Variants in LRRC37A2 observed in about 807,000 individuals in gnomAD.
LRRC37A2 encodes the protein leucine-rich repeat-containing protein 37A2.
In LRRC37A2, 9 loss-of-function variants were observed where a neutral mutation model predicts 68.8. The observed-to-expected ratio is 0.13, with a 90% CI of 0.08 to 0.23. The LOEUF (loss-of-function observed/expected upper bound fraction) is 0.23, where lower values mean the gene tolerates loss of function less well. Ranked by LOEUF, LRRC37A2 falls within the 10% of genes least tolerant of loss-of-function variation. The pLI is 1.00. For synonymous variants in LRRC37A2, 63 were observed against 367.6 expected (o/e 0.17, Z 9.48); for missense variants, 168 against 950.4 (o/e 0.18, Z 10.82).
the LRRC37A2 span, chr17:46,713,843 C>T: frequency 6.2e-7 from 1 of 1,607,894 alleles, no homozygotes; most frequent in Non-Finnish European, 8.5e-7. Context: ...TTGCTCATAT[C>T]TTTATGCAGG....
chr17:46,771,835 G>A, the LRRC37A2 span, among the ~76,000 whole-genome samples: 1 of 144,512 alleles, frequency 6.9e-6, no homozygotes, highest in South Asian at 2.1e-4. Context: ...GCGGTGGGGG[G>A]GCGGTGCTCG....
the LRRC37A2 span, among the ~76,000 whole-genome samples, chr17:46,910,506 C>T: frequency 2.2e-4 from 33 of 152,302 alleles, no homozygotes; most frequent in Admixed American, 4.6e-4. Flanking sequence ...CTGAAGATGT[C>T]CTCTTAGCCA....
the LRRC37A2 span, among the ~76,000 whole-genome samples, chr17:46,635,799 G>GTGTGTGTGTGTGTGTT: frequency 2.1e-5 from 3 of 140,422 alleles, no homozygotes; most frequent in African/African-American, 8.0e-5. Flanking sequence ...GTGTGTGTGT[G>GTGTGTGTGTGTGTGTT]TGTGTGTGTG....
At chr17:46,813,095 G>A in the LRRC37A2 span, among the ~76,000 whole-genome samples, 46 of 152,004 alleles carry the variant, frequency 3.0e-4, no homozygotes, top group South Asian at 4.2e-4. Context: ...TGGCAGGAGT[G>A]GGGCAGCCAG....
the LRRC37A2 span, among the ~76,000 whole-genome samples, chr17:46,851,381 C>A: frequency 1.3e-5 from 2 of 150,938 alleles, no homozygotes; most frequent in South Asian, 4.2e-4. The surrounding 1 kb of genome is among the most constrained non-coding windows in gnomAD (Gnocchi z 4.3). Flanking sequence ...TCACCTGGGG[C>A]CGGAGGGCGG....
chr17:46,913,701 C>G, the LRRC37A2 span, among the ~76,000 whole-genome samples: 1 of 152,164 alleles, frequency 6.6e-6, no homozygotes, highest in East Asian at 1.9e-4. Flanking sequence ...TCTCTAGACA[C>G]CAGGGTGCCA....
At chr17:46,772,241 G>C in the LRRC37A2 span, among the ~76,000 whole-genome samples, 2 of 152,242 alleles carry the variant, frequency 1.3e-5, no homozygotes, top group South Asian at 4.1e-4. Flanking sequence ...CCAAACTCTC[G>C]GGCACACATC....
chr17:46,808,311 C>CCCCAAATAAGAGACTT, the LRRC37A2 span, among the ~76,000 whole-genome samples: 1 of 152,204 alleles, frequency 6.6e-6, no homozygotes, highest in Non-Finnish European at 1.5e-5. Flanking sequence ...GAGGACACAT[C>CCCCAAATAAGAGACTT]CCCAAATAAG....
chr17:46,959,375 T>G, the LRRC37A2 span, among the ~76,000 whole-genome samples: 1 of 152,240 alleles, frequency 6.6e-6, no homozygotes, highest in Non-Finnish European at 1.5e-5. Flanking sequence ...GTATTTCTTT[T>G]TGTCTGGTAG....
chr17:47,024,221 T>C, the LRRC37A2 span, among the ~76,000 whole-genome samples: 6 of 152,246 alleles, frequency 3.9e-5, no homozygotes, highest in African/African-American at 1.4e-4. Flanking sequence ...AACATTTATG[T>C]TATGTGCACT....
At chr17:46,749,505 G>A in the LRRC37A2 span, among the ~76,000 whole-genome samples, 2 of 152,124 alleles carry the variant, frequency 1.3e-5, no homozygotes, top group African/African-American at 4.8e-5. Flanking sequence ...CTTTCCATTT[G>A]TTTGTGTATC....
At chr17:46,963,818 C>T in the LRRC37A2 span, 6 of 151,984 alleles carry the variant, frequency 3.9e-5, no homozygotes, top group Admixed American at 3.9e-4. Flanking sequence ...CTCTTTTTCT[C>T]CTTTTTGTTT....
the LRRC37A2 span, among the ~76,000 whole-genome samples, chr17:46,883,495 G>C: frequency 2.6e-5 from 4 of 151,804 alleles, no homozygotes; most frequent in African/African-American, 9.7e-5. Context: ...ATGTTGGCCA[G>C]GCTGGTCTTG....
the LRRC37A2 span, among the ~76,000 whole-genome samples, chr17:46,610,041 C>CTCTTTCTTTCTT: frequency 8.4e-5 from 10 of 118,738 alleles, no homozygotes; most frequent in East Asian, 2.1e-4. Context: ...CTCTCTCTCT[C>CTCTTTCTTTCTT]TCTTTCTTTC....
At chr17:46,489,652 A>G in the LRRC37A2 span, among the ~76,000 whole-genome samples, 10 of 146,546 alleles carry the variant, frequency 6.8e-5, no homozygotes, top group East Asian at 2.0e-3. Flanking sequence ...TACCCGGCTT[A>G]TTTTTTTGTA....
At chr17:46,785,013 G>A in the LRRC37A2 span, among the ~76,000 whole-genome samples, 2,697 of 152,186 alleles carry the variant, frequency 0.018, 79 homozygotes, top group African/African-American at 0.061. Flanking sequence ...TCCTGACCTC[G>A]TGATCTGCCC....
the LRRC37A2 span, chr17:46,831,258 G>A: frequency 6.6e-6 from 1 of 152,302 alleles, no homozygotes; most frequent in African/African-American, 2.4e-5. Flanking sequence ...CCCTGTGGGT[G>A]AGCGAGGCTA....
the LRRC37A2 span, chr17:46,931,962 G>T: frequency 1.0e-6 from 1 of 953,474 alleles, no homozygotes. Context: ...GGGTGGTGTA[G>T]GGAGAAGTAA....
At chr17:46,847,964 C>T in the LRRC37A2 span, among the ~76,000 whole-genome samples, 2 of 71,620 alleles carry the variant, frequency 2.8e-5, no homozygotes, top group South Asian at 1.3e-3. Context: ...TTGTGATTTC[C>T]AAAGTGTGTG....
Sources: gnomAD v4.1 joint callset for allele counts (sites outside exome capture counted in the v4.1 genomes callset) on GRCh38, gnomAD v4.1.1 for gene constraint, Gnocchi (gnomAD v3.1) non-coding constraint, MANE v1.5 for transcripts, NCBI Gene and HGNC (gene_info 2026-07-23, HGNC 2026-07-21) for gene names.